Variants in ZNG1A observed in about 807,000 individuals in gnomAD.
The protein encoded by ZNG1A is zinc-regulated GTPase metalloprotein activator 1A.
chr9:159,758 C>A, the ZNG1A span, among the ~76,000 whole-genome samples: 3 of 151,098 alleles, frequency 2.0e-5, no homozygotes, highest in African/African-American at 4.9e-5. Context: ...TGCTGTTGAC[C>A]AGAGTGGAAA....
chr9:166,830 T>G, the ZNG1A span: 14 of 151,794 alleles, frequency 9.2e-5, no homozygotes, highest in African/African-American at 3.4e-4. Context: ...TCACAGTAAA[T>G]GCAAAGGTAA....
At chr9:127,574 T>A in the ZNG1A span, among the ~76,000 whole-genome samples, 1 of 152,246 alleles carries the variant, frequency 6.6e-6, no homozygotes, top group Non-Finnish European at 1.5e-5. Flanking sequence ...TGAGTCCTTA[T>A]GTGTTAGGTG....
the ZNG1A span, chr9:172,334 T>C: frequency 1.1e-5 from 9 of 789,042 alleles, no homozygotes; most frequent in South Asian, 1.5e-4. Flanking sequence ...CCGTCCCATA[T>C]TTACCAGTGA....
the ZNG1A span, among the ~76,000 whole-genome samples, chr9:171,345 A>AATAAT: frequency 3.4e-4 from 46 of 135,684 alleles, no homozygotes; most frequent in South Asian, 2.3e-4. Context: ...TCAAAAAAAA[A>AATAAT]AATAATGGTA....
the ZNG1A span, chr9:152,179 T>C: frequency 2.9e-6 from 1 of 349,412 alleles, no homozygotes; most frequent in African/African-American, 2.2e-5. Flanking sequence ...GAAATAAGCA[T>C]ACCCAAATAC....
At chr9:125,959 T>C in the ZNG1A span, among the ~76,000 whole-genome samples, 4 of 49,934 alleles carry the variant, frequency 8.0e-5, 2 homozygotes, top group African/African-American at 3.4e-4. Context: ...TAGTATAAGT[T>C]TGAAATCAGG....
chr9:167,524 T>C, the ZNG1A span: 1 of 149,220 alleles, frequency 6.7e-6, no homozygotes, highest in African/African-American at 2.5e-5. Context: ...ATGCATGCAG[T>C]ACCTGTAACT....
the ZNG1A span, chr9:147,675 G>A: frequency 6.7e-6 from 1 of 149,230 alleles, no homozygotes; most frequent in East Asian, 1.9e-4. Context: ...TACACTAAAA[G>A]GCCAAAGTCT....
the ZNG1A span, chr9:154,044 G>C: frequency 6.6e-6 from 1 of 152,142 alleles, no homozygotes. Flanking sequence ...GGAGTCTCCA[G>C]AACAGTCAGC....
chr9:142,350 C>G, the ZNG1A span, among the ~76,000 whole-genome samples: 3 of 107,688 alleles, frequency 2.8e-5, no homozygotes, highest in Admixed American at 3.0e-4. Flanking sequence ...ATCTCTCAGA[C>G]CACAGTACAA....
the ZNG1A span, among the ~76,000 whole-genome samples, chr9:141,517 GC>G: frequency 6.7e-6 from 1 of 148,980 alleles, no homozygotes; most frequent in Admixed American, 6.7e-5. Context: ...CACCAGGCCT[GC>G]CCTACAAGAG....
chr9:158,715 G>A, the ZNG1A span, among the ~76,000 whole-genome samples: 17 of 149,948 alleles, frequency 1.1e-4, no homozygotes, highest in African/African-American at 4.2e-4. Flanking sequence ...AAAAATAAAT[G>A]AAAATCACCC....
the ZNG1A span, chr9:163,883 C>G: frequency 8.9e-7 from 1 of 1,127,822 alleles, no homozygotes; most frequent in Non-Finnish European, 1.3e-6. Context: ...TGCCACTGCA[C>G]TCCATGCACT....
At chr9:158,310 A>T in the ZNG1A span, among the ~76,000 whole-genome samples, 101,193 of 151,698 alleles carry the variant, frequency 0.67, 34,344 homozygotes, top group East Asian at 0.74. Flanking sequence ...TGCAGCAACG[A>T]ATCTCTTCCC....
chr9:127,612 T>C, the ZNG1A span, among the ~76,000 whole-genome samples: 1,087 of 152,314 alleles, frequency 7.1e-3, 3 homozygotes, highest in Non-Finnish European at 9.0e-3. Context: ...AGATAGTTGG[T>C]TGGTGAATTC....
chr9:141,227 G>C, the ZNG1A span, among the ~76,000 whole-genome samples: 13 of 130,104 alleles, frequency 1.0e-4, 1 homozygote, highest in African/African-American at 3.3e-4. Context: ...GCAACTCCAA[G>C]ACACATAATT....
At chr9:152,742 T>C in the ZNG1A span, among the ~76,000 whole-genome samples, 2 of 149,802 alleles carry the variant, frequency 1.3e-5, no homozygotes, top group Admixed American at 6.7e-5. Flanking sequence ...ATCTTTTCCA[T>C]TGCCTATCAT....
At chr9:132,319 A>T in the ZNG1A span, among the ~76,000 whole-genome samples, 1 of 147,732 alleles carries the variant, frequency 6.8e-6, no homozygotes, top group African/African-American at 2.6e-5. Flanking sequence ...GTTTGAGACC[A>T]GCTTGGCCAA....
chr9:126,591 C>G, the ZNG1A span, among the ~76,000 whole-genome samples: 1 of 152,038 alleles, frequency 6.6e-6, no homozygotes, highest in Non-Finnish European at 1.5e-5. Context: ...TTTGGATTTT[C>G]TCTCTTTTCT....
Sources: gnomAD v4.1 joint callset for allele counts (sites outside exome capture counted in the v4.1 genomes callset) on GRCh38, gnomAD v4.1.1 for gene constraint, MANE v1.5 for transcripts, NCBI Gene and HGNC (gene_info 2026-07-23, HGNC 2026-07-21) for gene names.